Variants in CDX1 observed in about 807,000 individuals in gnomAD.
The protein encoded by CDX1 is homeobox protein CDX-1.
CDX1 carries 9 observed loss-of-function variants against 16.9 expected under a neutral mutation model. The ratio of observed to expected loss-of-function variants is 0.53; its 90% CI spans 0.32 to 0.93. CDX1 has a LOEUF of 0.93. Among genes scored for constraint, CDX1 ranks in the 40% least tolerant of loss-of-function variants. CDX1 has a pLI of 0.04. For missense variants in CDX1, 393 were observed against 386.1 expected (o/e 1.02, Z -0.15); for synonymous variants, 179 against 179.0 (o/e 1.00, Z 0.00).
intron 1 of CDX1, 138 bp from the exon 2 acceptor site, chr5:150,182,629 TG>T: frequency 1.4e-6 from 1 of 732,884 alleles, no homozygotes; most frequent in Non-Finnish European, 2.2e-6. Flanking sequence ...CCCTTGAACC[TG>T]GAGTGTATGT....
chr5:150,179,558 C>T (rs1275119259), intron 1 of CDX1, among the ~76,000 whole-genome samples: 3 of 152,182 alleles, frequency 2.0e-5, no homozygotes, highest in African/African-American at 7.2e-5. Context: ...TATGAAATGG[C>T]TCTCATGGGT....
chr5:150,167,351 TG>T, intron 1 of CDX1, 30 bp downstream of exon 1: 1 of 1,233,934 alleles, frequency 8.1e-7, no homozygotes, highest in Non-Finnish European at 1.0e-6. Context: ...CCTGCGCCTC[TG>T]GACCTGCAGG....
chr5:150,176,556 G>T (rs1456058951), intron 1 of CDX1, among the ~76,000 whole-genome samples: 1 of 152,172 alleles, frequency 6.6e-6, no homozygotes, highest in Admixed American at 6.5e-5. Flanking sequence ...GGTTGCCTGG[G>T]GTGGCAGGCA....
At chr5:150,171,561 C>A (rs1174672282) in intron 1 of CDX1, among the ~76,000 whole-genome samples, 2 of 152,236 alleles carry the variant, frequency 1.3e-5, no homozygotes, top group East Asian at 3.9e-4. Context: ...TGGTCTCGAT[C>A]TCCTGACCTC....
In CDX1 at chr5:150,182,703, C is replaced by A. The variant is rs773497518; in HGVS notation, c.446-65C>A. On this transcript the variant is annotated intron_variant, in intron 1 of 2. Transcript: ENST00000231656. ...ATTGTCTTCCTCCTGGGGGTCCTGC[C>A]TGGGCCTTTTTTGTAGCCTCCTCCT... 1.7e-5 allele frequency: 25 copies of A among 1,477,412 alleles called. No homozygotes were observed. The Middle Eastern group carries it at 2.6e-3, about 156-fold the overall frequency. 91.5% of individuals were successfully genotyped at this position (1,477,412 alleles called of 1,614,324 possible).
At chr5:150,170,333 A>G (rs1030294563) in intron 1 of CDX1, among the ~76,000 whole-genome samples, 4 of 152,200 alleles carry the variant, frequency 2.6e-5, no homozygotes, top group South Asian at 2.1e-4. Context: ...ACTAATTCCA[A>G]TCTACTCACT....
chr5:150,174,388 G>A (rs1222477138), intron 1 of CDX1, among the ~76,000 whole-genome samples: 2 of 152,228 alleles, frequency 1.3e-5, no homozygotes, highest in Non-Finnish European at 2.9e-5. Context: ...TGGGCTCAGG[G>A]TGCCCCTGTG....
intron 1 of CDX1, among the ~76,000 whole-genome samples, chr5:150,171,399 G>A (rs1580837394): frequency 6.6e-6 from 1 of 152,032 alleles, no homozygotes; most frequent in South Asian, 2.1e-4. Context: ...ACAGTGGTGC[G>A]ATCTCGGCTC....
intron 1 of CDX1, among the ~76,000 whole-genome samples, chr5:150,179,788 G>A (rs367609712): frequency 1.2e-4 from 18 of 152,294 alleles, no homozygotes; most frequent in Middle Eastern, 6.8e-3. Flanking sequence ...CCATGGTCTG[G>A]GCTCTCCTTT....
chr5:150,174,370 G>A (rs1761542311), intron 1 of CDX1, among the ~76,000 whole-genome samples: 1 of 152,256 alleles, frequency 6.6e-6, no homozygotes, highest in African/African-American at 2.4e-5. Flanking sequence ...AATCTTAAAT[G>A]GCTGTCTTGG....
intron 1 of CDX1, among the ~76,000 whole-genome samples, chr5:150,171,381 G>A (rs1175427210): frequency 1.3e-5 from 2 of 152,024 alleles, no homozygotes; most frequent in East Asian, 1.9e-4. Context: ...TGTCACCCAC[G>A]CTGGAGTACA....
intron 1 of CDX1, among the ~76,000 whole-genome samples, chr5:150,172,610 A>T (rs1413739238): frequency 6.6e-6 from 1 of 152,166 alleles, no homozygotes; most frequent in Non-Finnish European, 1.5e-5. Flanking sequence ...TGGGCATCCC[A>T]GCCAGGTTGG....
chr5:150,183,767 T>A lies in CDX1; in HGVS notation c.*87T>A, dbSNP rs1752505788. On this transcript the variant is annotated 3_prime_UTR_variant, in exon 3 of 3. Coordinates refer to ENST00000231656, the MANE Select transcript of CDX1 (RefSeq NM_001804.3). ...GTGGGCCCAGGAGGTCTGGTCCGAGTCTCAGCCCTGACCTTCTGGGACATG... is the reference window on the plus strand; with the variant it reads ...GTGGGCCCAGGAGGTCTGGTCCGAGACTCAGCCCTGACCTTCTGGGACATG... 8.8e-7 allele frequency: 1 copy of A among 1,132,514 alleles called. No individual in the cohort carries two copies. The highest frequency in any genetic ancestry group is 1.6e-5 in the African/African-American group (1 of 63,712). The allele number at this position is 1,132,514 out of a possible 1,614,324, so 70.2% of individuals were successfully genotyped here.
chr5:150,183,357 A>C (rs1222763027), intron 2 of CDX1, 117 bp from the exon 3 acceptor site: 1 of 910,940 alleles, frequency 1.1e-6, no homozygotes, highest in African/African-American at 1.7e-5. Context: ...TGGAGAGGAG[A>C]TAAGCCACAA....
chr5:150,167,292 G>A lies in CDX1; in HGVS notation c.416G>A (p.Ser139Asn). The change falls in exon 1 of 3, where the codon AGC becomes AAC. Residue 139 changes from serine to asparagine, a missense_variant. Coordinates refer to ENST00000231656, the MANE Select transcript of CDX1 (RefSeq NM_001804.3). ...RPTPYEWMRR[S>N]VAAGGGGGSG... Reference sequence around the variant, plus strand: ...ACGCCCTACGAGTGGATGCGGCGCAGCGTGGCGGCCGGAGGCGGCGGTGGC... The same window carrying A: ...ACGCCCTACGAGTGGATGCGGCGCAACGTGGCGGCCGGAGGCGGCGGTGGC... 1 of 1,263,440 alleles carries A rather than the reference G, an allele frequency of 7.9e-7. No individual in the cohort carries two copies. Among genetic ancestry groups the A allele is most frequent in the Non-Finnish European group, 9.9e-7 (1 of 1,009,752 alleles). 78.3% of individuals were successfully genotyped at this position (1,263,440 alleles called of 1,614,324 possible).
intron 2 of CDX1, 59 bp from the exon 3 acceptor site, chr5:150,183,415 C>G: frequency 7.0e-7 from 1 of 1,435,790 alleles, no homozygotes; most frequent in Admixed American, 2.3e-5. Flanking sequence ...CTCCTTCTTG[C>G]ACTCTCTCTT....
rs181497192 is a variant in CDX1, at chr5:150,171,436, C to T, written c.445+4115C>T. Among the ~76,000 whole-genome samples, 19 of 152,252 alleles carry T rather than the reference C, an allele frequency of 1.2e-4. No individual in the cohort carries two copies. The East Asian group carries it at 2.9e-3, about 23-fold the overall frequency. On this transcript the variant is annotated intron_variant, in intron 1 of 2. Transcript: ENST00000231656. The stretch of plus-strand genomic sequence containing the variant: ...CTGCAAGCTCCGCCTCCCAGGTTCA[C>T]GCCATTCTGCTGCCTCAGCTTCCCC...
chr5:150,170,157 C>G (rs1761485286), intron 1 of CDX1, among the ~76,000 whole-genome samples: 1 of 152,194 alleles, frequency 6.6e-6, no homozygotes. Context: ...ACATGCTGTT[C>G]TCTCTTCCAG....
chr5:150,173,375 G>A (rs938355988), intron 1 of CDX1, among the ~76,000 whole-genome samples: 2 of 152,082 alleles, frequency 1.3e-5, no homozygotes, highest in African/African-American at 2.4e-5. Context: ...CCTGCCTGGG[G>A]GCCTTTGTAC....
Sources: gnomAD v4.1 joint callset for allele counts (sites outside exome capture counted in the v4.1 genomes callset) on GRCh38, gnomAD v4.1.1 for gene constraint, MANE v1.5 for transcripts, NCBI Gene and HGNC (gene_info 2026-07-23, HGNC 2026-07-21) for gene names.